Variants in PRR16 observed in about 807,000 individuals in gnomAD.
PRR16 encodes the protein protein Largen.
In PRR16, 6 loss-of-function variants were observed where a neutral mutation model predicts 18.2. The ratio of observed to expected loss-of-function variants is 0.33; its 90% confidence interval spans 0.18 to 0.65. The LOEUF (loss-of-function observed/expected upper bound fraction) is 0.65, where lower values mean the gene tolerates loss of function less well. PRR16 is among the 30% of genes least tolerant of loss of function. The probability of loss-of-function intolerance (pLI) is 0.74; values close to 1 mark genes in which losing one functional copy is unlikely to be tolerated. For synonymous variants in PRR16, 151 were observed against 147.8 expected (o/e 1.02, Z -0.16); for missense variants, 412 against 376.6 (o/e 1.09, Z -0.78).
intron 1 of PRR16, chr5:120,617,164 C>A (rs1754539369): frequency 1.0e-6 from 1 of 985,362 alleles, no homozygotes; most frequent in Non-Finnish European, 1.2e-6. Flanking sequence ...CATACAGTGA[C>A]AACAGGACAT....
chr5:120,679,975 G>T (rs1207138866), intron 1 of PRR16, among the ~76,000 whole-genome samples: 1 of 152,066 alleles, frequency 6.6e-6, no homozygotes, highest in Non-Finnish European at 1.5e-5. Context: ...CAGGATTTTT[G>T]CTAAATTAGT....
chr5:120,560,540 G>A (rs1018457198), intron 1 of PRR16, among the ~76,000 whole-genome samples: 2 of 151,914 alleles, frequency 1.3e-5, no homozygotes, highest in African/African-American at 4.8e-5. Context: ...TGGTTTGCTA[G>A]TATTTTGTTG....
chr5:120,663,522 T>A (rs1756249983), intron 1 of PRR16, among the ~76,000 whole-genome samples: 1 of 152,198 alleles, frequency 6.6e-6, no homozygotes, highest in Non-Finnish European at 1.5e-5. Context: ...TTTAATTATT[T>A]GTTCTTACTG....
intron 1 of PRR16, among the ~76,000 whole-genome samples, chr5:120,570,140 A>C (rs1752860301): frequency 1.3e-5 from 2 of 152,082 alleles, no homozygotes; most frequent in Non-Finnish European, 2.9e-5. Flanking sequence ...CATGTGGTTG[A>C]TAAATTACAT....
the PRR16 span, among the ~76,000 whole-genome samples, chr5:120,706,866 T>C: frequency 5.3e-5 from 8 of 152,084 alleles, no homozygotes; most frequent in South Asian, 2.1e-4. Context: ...GGGAAGGAGG[T>C]TGGTCAATGT....
the PRR16 span, among the ~76,000 whole-genome samples, chr5:120,702,805 C>T: frequency 4.6e-5 from 7 of 152,076 alleles, no homozygotes; most frequent in South Asian, 2.1e-4. Flanking sequence ...TAAGAAGAGG[C>T]CGCTTACCTG....
chr5:120,790,909 T>C, the PRR16 span: 1 of 152,026 alleles, frequency 6.6e-6, no homozygotes, highest in African/African-American at 2.4e-5. Context: ...TTTAAAAACA[T>C]CTACAGAATA....
the PRR16 span, among the ~76,000 whole-genome samples, chr5:120,743,241 C>T: frequency 6.6e-6 from 1 of 151,956 alleles, no homozygotes; most frequent in East Asian, 1.9e-4. Flanking sequence ...ATCCCATTTC[C>T]CCAGTTATTT....
At chr5:120,468,369 C>T (rs2112794816) in intron 1 of PRR16, among the ~76,000 whole-genome samples, 1 of 152,090 alleles carries the variant, frequency 6.6e-6, no homozygotes, top group Non-Finnish European at 1.5e-5. Flanking sequence ...ATTTTGAATT[C>T]TTCTTTTTCT....
chr5:120,493,064 A>G (rs1000578930), intron 1 of PRR16, among the ~76,000 whole-genome samples: 1 of 152,124 alleles, frequency 6.6e-6, no homozygotes, highest in Admixed American at 6.5e-5. Flanking sequence ...TTTCTTTTGG[A>G]TAGATACAGA....
rs138323937 is a variant in PRR16 at position 120,584,822 on chromosome 5, G to A, written c.160-101132G>A. Among the ~76,000 whole-genome samples, 735 of 152,250 alleles carry A rather than the reference G, an allele frequency of 4.8e-3. 7 individuals are homozygous for A. Among genetic ancestry groups the A allele is most frequent in the African/African-American group, 0.017 (688 of 41,518 alleles). ...AGTCTTCTATGTAGAAGGGCCTCTG[G>A]ATGCTACTTTCATATGTTATCTTAT... On this transcript the variant is annotated intron_variant, in intron 1 of 1. Transcript: ENST00000407149.
chr5:120,646,756 A>G (rs765505672), intron 1 of PRR16, among the ~76,000 whole-genome samples: 1 of 152,044 alleles, frequency 6.6e-6, no homozygotes, highest in Non-Finnish European at 1.5e-5. Flanking sequence ...GGATAAACAG[A>G]TGGGAAAAAT....
intron 1 of PRR16, among the ~76,000 whole-genome samples, chr5:120,581,039 ATTAG>A (rs1753255018): frequency 6.6e-6 from 1 of 152,176 alleles, no homozygotes; most frequent in Non-Finnish European, 1.5e-5. Flanking sequence ...GCTTTATAAA[ATTAG>A]TTAGAGAGGA....
chr5:120,507,251 T>C (rs1369719690), intron 1 of PRR16, among the ~76,000 whole-genome samples: 1 of 152,188 alleles, frequency 6.6e-6, no homozygotes, highest in African/African-American at 2.4e-5. Flanking sequence ...TAAAGATTTC[T>C]ACCCTTTAAG....
rs182738130 is a variant in PRR16, at chr5:120,638,415, A to G, written c.160-47539A>G. ...GTATTTGAGCCATTTTTTGGAATTCATGACACATAGAGGCTAGAAGAATTT... is the reference window on the plus strand; with the variant it reads ...GTATTTGAGCCATTTTTTGGAATTCGTGACACATAGAGGCTAGAAGAATTT... On this transcript the variant is annotated intron_variant, in intron 1 of 1. Coordinates refer to ENST00000407149, the MANE Select transcript of PRR16 (RefSeq NM_001300783.2). Among the ~76,000 whole-genome samples the G allele has an allele frequency of 7.4e-4, 112 of 152,200 alleles. 1 individual carries two copies. The highest frequency in any genetic ancestry group is 1.4e-3 in the Non-Finnish European group (97 of 68,004).
intron 1 of PRR16, among the ~76,000 whole-genome samples, chr5:120,652,036 G>A (rs1429544048): frequency 6.6e-6 from 1 of 152,020 alleles, no homozygotes. Flanking sequence ...CCTTGAAGAG[G>A]TCTTTCACGT....
intron 1 of PRR16, among the ~76,000 whole-genome samples, chr5:120,598,171 A>G (rs1753873065): frequency 6.6e-6 from 1 of 151,740 alleles, no homozygotes; most frequent in Admixed American, 6.6e-5. Flanking sequence ...CTTTCTATGT[A>G]TTTGGAACTA....
intron 1 of PRR16, among the ~76,000 whole-genome samples, chr5:120,559,057 G>T (rs1400357597): frequency 6.6e-6 from 1 of 151,646 alleles, no homozygotes; most frequent in Admixed American, 6.6e-5. Context: ...TTGTCAGATG[G>T]GTAGTTTGCA....
chr5:120,759,460 T>C, the PRR16 span, among the ~76,000 whole-genome samples: 1 of 152,152 alleles, frequency 6.6e-6, no homozygotes, highest in South Asian at 2.1e-4. Context: ...TATATAACAT[T>C]ATATGAAAAA....
Sources: allele counts gnomAD v4.1 joint callset (sites outside exome capture counted in the v4.1 genomes callset), GRCh38; gene constraint gnomAD v4.1.1; transcripts MANE v1.5; gene names NCBI Gene and HGNC (gene_info 2026-07-23, HGNC 2026-07-21).